The following SDF4 variants were observed in gnomAD, a reference collection of about 807,000 sequenced individuals.
SDF4 encodes stromal cell derived factor 4.
SDF4 carries 22 observed loss-of-function variants against 34.2 expected under a neutral mutation model. The observed-to-expected ratio is 0.64, with a 90% CI of 0.46 to 0.92. The LOEUF (loss-of-function observed/expected upper bound fraction) is 0.92, where lower values mean the gene tolerates loss of function less well. Ranked by LOEUF, SDF4 falls within the 40% of genes least tolerant of loss-of-function variation. SDF4 has a pLI of 0.00. For missense variants in SDF4, 447 were observed against 499.9 expected, an observed-to-expected ratio of 0.89 and a Z score of 1.01; for synonymous variants, 236 against 203.1, an observed-to-expected ratio of 1.16 and a Z score of -1.38.
At chr1:1,220,536 T>A in intron 4 of SDF4, 1 of 1,231,872 alleles carries the variant, frequency 8.1e-7, no homozygotes, top group Non-Finnish European at 1.0e-6. Context: ...CCCAAAGAGG[T>A]CGGGGGGTCC....
intron 4 of SDF4, chr1:1,220,128 C>T (rs1005228059): frequency 1.2e-4 from 122 of 987,114 alleles, no homozygotes; most frequent in African/African-American, 1.1e-3. Flanking sequence ...TTCTCACAGC[C>T]GCCGCCGAGC....
chr1:1,226,290 G>A (rs1395089435), intron 2 of SDF4, among the ~76,000 whole-genome samples: 1 of 152,184 alleles, frequency 6.6e-6, no homozygotes, highest in Non-Finnish European at 1.5e-5. Context: ...AAAGCCCCTA[G>A]GACAGGGCAC....
intron 4 of SDF4, chr1:1,219,581 T>A: frequency 1.0e-6 from 1 of 987,378 alleles, no homozygotes; most frequent in Non-Finnish European, 1.2e-6. Flanking sequence ...TGAGCAGAGC[T>A]TCCCAGGAAC....
At chr1:1,221,687 G>A (rs926784574) in intron 4 of SDF4, among the ~76,000 whole-genome samples, 2 of 152,158 alleles carry the variant, frequency 1.3e-5, no homozygotes, top group Non-Finnish European at 2.9e-5. Flanking sequence ...AAGACTAGGC[G>A]CAGTGGCTCA....
intron 2 of SDF4, among the ~76,000 whole-genome samples, chr1:1,227,684 C>G (rs932531767): frequency 5.9e-5 from 9 of 152,178 alleles, no homozygotes; most frequent in Non-Finnish European, 1.5e-5. Context: ...AGGGCCACAC[C>G]GCAGGGCACC....
At chr1:1,219,266 AC>A in intron 4 of SDF4, 1 of 1,152,142 alleles carries the variant, frequency 8.7e-7, no homozygotes, top group South Asian at 1.6e-5. Flanking sequence ...CACAGCCCAG[AC>A]CCCCAGGACA....
intron 4 of SDF4, among the ~76,000 whole-genome samples, chr1:1,222,201 G>A (rs1028104569): frequency 6.6e-6 from 1 of 152,204 alleles, no homozygotes; most frequent in Non-Finnish European, 1.5e-5. Context: ...ACCAGACCAC[G>A]GGCATGACCG....
intron 4 of SDF4, 118 bp downstream of exon 4, chr1:1,223,126 C>G (rs762384568): frequency 5.4e-6 from 4 of 739,420 alleles, no homozygotes; most frequent in South Asian, 1.6e-5. Context: ...CACGTACTCA[C>G]GAGCACACGC....
Position 1,217,402 on chromosome 1 carries a change from G to A in SDF4, c.*110C>T, listed in dbSNP as rs1216602628. The stretch of plus-strand genomic sequence containing the variant: ...TGGGGCAGCCGCGGTCGGTCGGCCG[G>A]TGGCGGGCGGCAGGGAAGAGGTGGG... On this transcript the variant is annotated 3_prime_UTR_variant, in exon 7 of 7. Coordinates refer to ENST00000360001, the MANE Select transcript of SDF4 (RefSeq NM_016176.6). The surrounding 1 kb of genome is among the most constrained non-coding windows in gnomAD (Gnocchi z 8.5). 3 of 991,594 alleles carry A rather than the reference G, an allele frequency of 3.0e-6. No homozygotes were observed. The highest frequency in any genetic ancestry group is 8.5e-5 in the East Asian group (2 of 23,514). 61.4% of individuals were successfully genotyped at this position (991,594 alleles called of 1,614,324 possible).
chr1:1,230,775 C>T (rs766086167), intron 1 of SDF4, among the ~76,000 whole-genome samples: 1 of 152,206 alleles, frequency 6.6e-6, no homozygotes, highest in Non-Finnish European at 1.5e-5. Context: ...CTGAACATGG[C>T]TGAGGGCTTT....
At chr1:1,225,642 T>A (rs1272458233) in intron 2 of SDF4, among the ~76,000 whole-genome samples, 1 of 151,850 alleles carries the variant, frequency 6.6e-6, no homozygotes, top group Non-Finnish European at 1.5e-5. Flanking sequence ...ACCTGGTGGG[T>A]CTCACGTGGA....
chr1:1,221,845 G>C (rs1191564425), intron 4 of SDF4, among the ~76,000 whole-genome samples: 1 of 152,072 alleles, frequency 6.6e-6, no homozygotes, highest in Non-Finnish European at 1.5e-5. Flanking sequence ...TGTGGTCCCA[G>C]CTTCTGAGGT....
chr1:1,220,587 C>G, intron 4 of SDF4: 1 of 1,285,922 alleles, frequency 7.8e-7, no homozygotes, highest in Non-Finnish European at 1.0e-6. Context: ...GGATCGGACA[C>G]GGGTGGGCAG....
At chr1:1,219,478 C>T (rs3737725) in intron 4 of SDF4, 20,735 of 999,274 alleles carry the variant, frequency 0.021, 326 homozygotes, top group East Asian at 0.16. Flanking sequence ...CACGGCGCCG[C>T]GGGGCGAAGG....
At chr1:1,223,425 G>GAA in intron 3 of SDF4, 68 bp from the exon 4 acceptor site, 19 of 1,178,532 alleles carry the variant, frequency 1.6e-5, no homozygotes, top group East Asian at 2.3e-5. Flanking sequence ...AACTGAGATG[G>GAA]GGTCTTGCTC....
intron 4 of SDF4, chr1:1,221,057 C>T (rs940584741): frequency 2.2e-5 from 7 of 317,738 alleles, no homozygotes; most frequent in African/African-American, 1.5e-4. Flanking sequence ...GACTTTGAGA[C>T]CAGCCTGGGC....
intron 2 of SDF4, among the ~76,000 whole-genome samples, chr1:1,227,521 C>T (rs1440402524): frequency 1.3e-5 from 2 of 152,138 alleles, no homozygotes; most frequent in East Asian, 1.9e-4. Context: ...TCCTTGTGCC[C>T]AGGTCTCGCA....
chr1:1,231,324 T>G (rs989574244), intron 1 of SDF4, among the ~76,000 whole-genome samples: 9 of 152,240 alleles, frequency 5.9e-5, no homozygotes, highest in Non-Finnish European at 1.3e-4. Flanking sequence ...GGGAAACAGC[T>G]TAGGCAGAGA....
At chr1:1,224,809 G>C (rs932183263) in intron 2 of SDF4, among the ~76,000 whole-genome samples, 29 of 152,342 alleles carry the variant, frequency 1.9e-4, no homozygotes, top group Admixed American at 1.3e-3. Flanking sequence ...AGCTACTCAA[G>C]AGGCTGAGGT....
Sources: allele counts gnomAD v4.1 joint callset (sites outside exome capture counted in the v4.1 genomes callset), GRCh38; gene constraint gnomAD v4.1.1; non-coding constraint Gnocchi (gnomAD v3.1); transcripts MANE v1.5; gene names NCBI Gene and HGNC (gene_info 2026-07-23, HGNC 2026-07-21).